Variants in PARD3B observed in about 807,000 individuals in gnomAD.
The protein encoded by PARD3B is partitioning defective 3 homolog B.
Under a neutral mutation model 130.2 loss-of-function variants are expected in PARD3B, and 103 were observed. That is an observed-to-expected ratio of 0.79 (90% CI 0.67 to 0.93). The LOEUF (loss-of-function observed/expected upper bound fraction) is 0.93. Among genes scored for constraint, PARD3B ranks in the 40% least tolerant of loss-of-function variants. The probability of loss-of-function intolerance (pLI) is 0.00; values close to 1 mark genes in which losing one functional copy is unlikely to be tolerated. For missense variants in PARD3B, 1,609 were observed against 1,499.2 expected (o/e 1.07, Z -1.21); for synonymous variants, 583 against 553.2 (o/e 1.05, Z -0.76).
chr2:205,383,083 C>CGTAG (rs2045512300), intron 18 of PARD3B, among the ~76,000 whole-genome samples: 7 of 78,482 alleles, frequency 8.9e-5, no homozygotes, highest in Non-Finnish European at 1.4e-4. Flanking sequence ...GGAAAGTTTA[C>CGTAG]ATAGATAGAT....
intron 21 of PARD3B, among the ~76,000 whole-genome samples, chr2:205,520,578 AAAT>A (rs2051000694): frequency 6.6e-6 from 1 of 152,116 alleles, no homozygotes; most frequent in African/African-American, 2.4e-5. Context: ...ACATGCTCTA[AAAT>A]GCTTAGGTAA....
At chr2:205,277,546 G>A (rs975549824) in intron 16 of PARD3B, among the ~76,000 whole-genome samples, 2 of 152,174 alleles carry the variant, frequency 1.3e-5, no homozygotes, top group Non-Finnish European at 2.9e-5. Flanking sequence ...AAGTGGTTAG[G>A]AAAGGCTTCC....
chr2:205,260,136 C>A (rs1368185628), intron 16 of PARD3B, among the ~76,000 whole-genome samples: 3 of 152,214 alleles, frequency 2.0e-5, no homozygotes, highest in Admixed American at 1.3e-4. Flanking sequence ...TTTATACTTA[C>A]ACACATGAGT....
chr2:205,210,852 C>T (rs751176968), intron 15 of PARD3B, among the ~76,000 whole-genome samples: 4 of 151,982 alleles, frequency 2.6e-5, no homozygotes, highest in Non-Finnish European at 5.9e-5. Context: ...CTGAGCATTT[C>T]CTTTATAAGG....
At chr2:204,809,217 TCTGC>T in intron 2 of PARD3B, among the ~76,000 whole-genome samples, 1 of 152,192 alleles carries the variant, frequency 6.6e-6, no homozygotes, top group South Asian at 2.1e-4. Flanking sequence ...TTTCTCCCAT[TCTGC>T]AGGTTGTCTG....
At chr2:204,913,405 G>A (rs1239838616) in intron 2 of PARD3B, among the ~76,000 whole-genome samples, 3 of 152,148 alleles carry the variant, frequency 2.0e-5, no homozygotes, top group South Asian at 4.1e-4. Flanking sequence ...CTTTTGAGAC[G>A]ATTGTGAGAT....
intron 19 of PARD3B, among the ~76,000 whole-genome samples, chr2:205,414,315 A>G (rs2046702170): frequency 6.6e-6 from 1 of 152,302 alleles, no homozygotes; most frequent in African/African-American, 2.4e-5. Context: ...CTTGAGGCAT[A>G]GATTGTAACT....
chr2:205,516,797 C>A (rs780595383), intron 21 of PARD3B, among the ~76,000 whole-genome samples: 1 of 152,036 alleles, frequency 6.6e-6, no homozygotes, highest in Non-Finnish European at 1.5e-5. Flanking sequence ...ACTTCCAATA[C>A]TCTGTTGATC....
chr2:204,972,990 C>G (rs1414655844), intron 3 of PARD3B, among the ~76,000 whole-genome samples: 4 of 152,130 alleles, frequency 2.6e-5, no homozygotes, highest in Non-Finnish European at 5.9e-5. Flanking sequence ...TTCCCCTGAC[C>G]ACTGATAAAA....
At chr2:205,348,334 C>T (rs1353467243) in intron 18 of PARD3B, among the ~76,000 whole-genome samples, 2 of 152,228 alleles carry the variant, frequency 1.3e-5, no homozygotes, top group Non-Finnish European at 2.9e-5. Flanking sequence ...ACATTCTCCT[C>T]TCCGTATTCT....
At chr2:204,813,190 T>C (rs1350484232) in intron 2 of PARD3B, among the ~76,000 whole-genome samples, 1 of 152,222 alleles carries the variant, frequency 6.6e-6, no homozygotes, top group Non-Finnish European at 1.5e-5. Flanking sequence ...TTCCAGTTAC[T>C]ATACTTCCTC....
chr2:204,910,746 A>G (rs1035182803), intron 2 of PARD3B, among the ~76,000 whole-genome samples: 1 of 152,128 alleles, frequency 6.6e-6, no homozygotes, highest in Non-Finnish European at 1.5e-5. Flanking sequence ...GGTTCACGCC[A>G]TTCTCCTGCC....
At chr2:205,035,821 C>CTATATATATA in intron 3 of PARD3B, among the ~76,000 whole-genome samples, 1 of 5,784 alleles carries the variant, frequency 1.7e-4, no homozygotes, top group Middle Eastern at 0.12. Flanking sequence ...ATATATATAT[C>CTATATATATA]TATATATCTA....
chr2:205,282,462 AAT>A (rs764057432), intron 16 of PARD3B, among the ~76,000 whole-genome samples: 28 of 145,310 alleles, frequency 1.9e-4, no homozygotes, highest in East Asian at 1.6e-3. Context: ...GGCTTAAATT[AAT>A]ATATATATAT....
At chr2:204,749,440 T>C (rs977734401) in intron 2 of PARD3B, among the ~76,000 whole-genome samples, 2 of 152,184 alleles carry the variant, frequency 1.3e-5, no homozygotes, top group African/African-American at 4.8e-5. Context: ...GTAACTCAAA[T>C]ATTTCAAGTT....
intron 15 of PARD3B, among the ~76,000 whole-genome samples, chr2:205,225,389 T>A (rs1445817607): frequency 6.6e-6 from 1 of 152,226 alleles, no homozygotes. Context: ...TATACCTGTT[T>A]GCCATTTTTA....
At chr2:204,794,302 T>A (rs936199324) in intron 2 of PARD3B, among the ~76,000 whole-genome samples, 2 of 152,240 alleles carry the variant, frequency 1.3e-5, no homozygotes, top group Non-Finnish European at 2.9e-5. Context: ...AATTATATTA[T>A]TACAAGATTG....
intron 22 of PARD3B, among the ~76,000 whole-genome samples, chr2:205,574,855 T>TAAAAAAAAA (rs5837982): frequency 8.2e-6 from 1 of 121,500 alleles, no homozygotes; most frequent in Non-Finnish European, 1.7e-5. Context: ...CACTGAGGAG[T>TAAAAAAAAA]AAAAAAAAAA....
chr2:204,726,589 T>C (rs1446861502), intron 2 of PARD3B, among the ~76,000 whole-genome samples: 1 of 152,174 alleles, frequency 6.6e-6, no homozygotes, highest in African/African-American at 2.4e-5. Flanking sequence ...TCTTCCTAGC[T>C]GCCTTACAGA....
Sources: allele counts gnomAD v4.1 joint callset (sites outside exome capture counted in the v4.1 genomes callset), GRCh38; gene constraint gnomAD v4.1.1; transcripts MANE v1.5; gene names NCBI Gene and HGNC (gene_info 2026-07-23, HGNC 2026-07-21).